PABPC4L: variants seen among roughly 807,000 people sequenced by gnomAD.
PABPC4L encodes the protein polyadenylate-binding protein 4-like.
For missense variants in PABPC4L, 452 were observed against 451.4 expected, an observed-to-expected ratio of 1.00 and a Z score of -0.01; for synonymous variants, 169 against 164.1, an observed-to-expected ratio of 1.03 and a Z score of -0.23.
chr4:134,021,946 T>G, the PABPC4L span, among the ~76,000 whole-genome samples: 1 of 152,132 alleles, frequency 6.6e-6, no homozygotes, highest in East Asian at 1.9e-4. Context: ...CCTTGCCTTC[T>G]TTGTCTTTAT....
chr4:134,028,741 GTAATAA>G, the PABPC4L span, among the ~76,000 whole-genome samples: 1 of 152,096 alleles, frequency 6.6e-6, no homozygotes, highest in Non-Finnish European at 1.5e-5. Context: ...CACTAAGGAA[GTAATAA>G]TAATAATATT....
chr4:134,045,877 T>C, the PABPC4L span, among the ~76,000 whole-genome samples: 1 of 152,320 alleles, frequency 6.6e-6, no homozygotes, highest in African/African-American at 2.4e-5. Flanking sequence ...ATACATTCAT[T>C]ATGAAACAAT....
chr4:134,057,979 C>T, the PABPC4L span, among the ~76,000 whole-genome samples: 1 of 151,866 alleles, frequency 6.6e-6, no homozygotes, highest in Non-Finnish European at 1.5e-5. Flanking sequence ...GTATTTCATT[C>T]TTTATAATCA....
chr4:134,078,988 T>C, the PABPC4L span, among the ~76,000 whole-genome samples: 2 of 125,112 alleles, frequency 1.6e-5, no homozygotes, highest in Non-Finnish European at 3.2e-5. Context: ...TTTTTTTTTT[T>C]TGAGGTGGAG....
At chr4:133,959,708 C>T in the PABPC4L span, among the ~76,000 whole-genome samples, 3 of 152,164 alleles carry the variant, frequency 2.0e-5, no homozygotes, top group Non-Finnish European at 2.9e-5. Flanking sequence ...AGAAGAAATG[C>T]AGGACCCTGA....
At chr4:134,084,309 G>T in the PABPC4L span, among the ~76,000 whole-genome samples, 2 of 151,964 alleles carry the variant, frequency 1.3e-5, no homozygotes, top group African/African-American at 4.8e-5. Context: ...AGACTCCCAG[G>T]GTGCTGGGTT....
At chr4:134,145,788 C>T in the PABPC4L span, among the ~76,000 whole-genome samples, 9 of 151,978 alleles carry the variant, frequency 5.9e-5, no homozygotes, top group African/African-American at 2.2e-4. Context: ...TAGAATTTCA[C>T]AGGCAATATA....
the PABPC4L span, among the ~76,000 whole-genome samples, chr4:134,183,000 T>A: frequency 6.6e-6 from 1 of 152,038 alleles, no homozygotes; most frequent in Non-Finnish European, 1.5e-5. Context: ...ACTTATGCAC[T>A]GCTTGTGGGA....
the PABPC4L span, among the ~76,000 whole-genome samples, chr4:134,182,115 CT>C: frequency 2.6e-5 from 4 of 151,042 alleles, no homozygotes; most frequent in African/African-American, 9.7e-5. Flanking sequence ...AACAAAAAAA[CT>C]ATCTAAAAAT....
the PABPC4L span, among the ~76,000 whole-genome samples, chr4:133,961,775 G>A: frequency 1.3e-5 from 2 of 152,134 alleles, no homozygotes; most frequent in Non-Finnish European, 2.9e-5. Context: ...CTCCAGATAC[G>A]GCAGGGTGTC....
chr4:134,051,077 A>G, the PABPC4L span, among the ~76,000 whole-genome samples: 1 of 152,156 alleles, frequency 6.6e-6, no homozygotes, highest in Non-Finnish European at 1.5e-5. Flanking sequence ...GTTATCAACC[A>G]GATGTCATAA....
chr4:134,090,299 C>T, the PABPC4L span, among the ~76,000 whole-genome samples: 1 of 152,078 alleles, frequency 6.6e-6, no homozygotes, highest in African/African-American at 2.4e-5. Flanking sequence ...ATTTTATACT[C>T]AGTTTATAGA....
At chr4:134,000,824 C>G in the PABPC4L span, among the ~76,000 whole-genome samples, 2 of 151,992 alleles carry the variant, frequency 1.3e-5, no homozygotes, top group Admixed American at 1.3e-4. Flanking sequence ...GTTCTCAGGC[C>G]ATCAGATCTG....
At chr4:134,020,258 G>A in the PABPC4L span, among the ~76,000 whole-genome samples, 3 of 152,142 alleles carry the variant, frequency 2.0e-5, no homozygotes, top group African/African-American at 7.2e-5. Flanking sequence ...GAAAGCAAGA[G>A]GAGGAATGGC....
At chr4:134,063,095 C>T in the PABPC4L span, among the ~76,000 whole-genome samples, 2 of 152,182 alleles carry the variant, frequency 1.3e-5, no homozygotes, top group Non-Finnish European at 2.9e-5. Context: ...TAGCGAGCAA[C>T]TGAGGCTGTG....
chr4:134,132,121 A>G, the PABPC4L span, among the ~76,000 whole-genome samples: 1 of 152,134 alleles, frequency 6.6e-6, no homozygotes, highest in East Asian at 1.9e-4. Flanking sequence ...CTAGAAGATA[A>G]TATCAGAAAA....
chr4:134,127,848 C>G, the PABPC4L span, among the ~76,000 whole-genome samples: 3 of 151,904 alleles, frequency 2.0e-5, no homozygotes, highest in Non-Finnish European at 2.9e-5. Flanking sequence ...TATTATTAAG[C>G]TAATCAAGGA....
At chr4:134,063,409 A>C in the PABPC4L span, among the ~76,000 whole-genome samples, 369 of 152,204 alleles carry the variant, frequency 2.4e-3, 3 homozygotes, top group African/African-American at 8.3e-3. Context: ...CATAAAAGGC[A>C]CAGCAAGATA....
chr4:133,960,532 C>G, the PABPC4L span, among the ~76,000 whole-genome samples: 1 of 152,174 alleles, frequency 6.6e-6, no homozygotes, highest in Non-Finnish European at 1.5e-5. Context: ...TTCAGTTGAA[C>G]TTTGTAATAA....
Sources: gnomAD v4.1 joint callset for allele counts (sites outside exome capture counted in the v4.1 genomes callset) on GRCh38, gnomAD v4.1.1 for gene constraint, MANE v1.5 for transcripts, NCBI Gene and HGNC (gene_info 2026-07-23, HGNC 2026-07-21) for gene names.